Variants in STK24 observed in about 807,000 individuals in gnomAD.
STK24 encodes serine/threonine kinase 24, also known as serine/threonine-protein kinase 24.
A neutral mutation model predicts 55.6 loss-of-function variants in STK24; 21 were observed. The observed-to-expected ratio is 0.38, with a 90% confidence interval of 0.27 to 0.54. STK24 has a LOEUF of 0.54. STK24 is among the 20% of genes least tolerant of loss of function. The pLI is 0.79. For missense variants in STK24, 383 were observed against 538.4 expected, an observed-to-expected ratio of 0.71 and a Z score of 2.86; for synonymous variants, 200 against 215.2, an observed-to-expected ratio of 0.93 and a Z score of 0.62.
Position 98,448,945 on chromosome 13 carries a change from T to A in STK24, c.*4228A>T, listed in dbSNP as rs1408580652. The A allele has an allele frequency of 6.6e-6, 1 of 152,240 alleles. No individual in the cohort carries two copies. Among genetic ancestry groups the A allele is most frequent in the African/African-American group, 2.4e-5 (1 of 41,458 alleles). 9.4% of individuals were successfully genotyped at this position (152,240 alleles called of 1,614,324 possible). ...TGAAAACACCTGTTCCCAACCTACT[T>A]CTTGGTGCAAGTTGACCAAATCGTT... On this transcript the variant is annotated 3_prime_UTR_variant, in exon 11 of 11. Transcript: ENST00000539966.
intron 5 of STK24, among the ~76,000 whole-genome samples, chr13:98,468,589 A>G (rs149489085): frequency 6.6e-6 from 1 of 152,322 alleles, no homozygotes; most frequent in East Asian, 1.9e-4. Flanking sequence ...CTCCACACCA[A>G]CAGGTGGCTC....
In STK24 at chr13:98,526,090, G is replaced by C. The variant is rs1896419816; in HGVS notation, c.43-6617C>G. On this transcript the variant is annotated intron_variant, in intron 1 of 10. Transcript: ENST00000539966. Reference sequence around the variant, plus strand: ...TGGTGGCTGGAGTGCGGTGGAGGGAGGAGCATTGGCAGTATGCTGGGGTGA... The same window carrying C: ...TGGTGGCTGGAGTGCGGTGGAGGGACGAGCATTGGCAGTATGCTGGGGTGA... Among the ~76,000 whole-genome samples the C allele has an allele frequency of 2.0e-5, 3 of 152,278 alleles. No homozygotes were observed. In the South Asian group the frequency reaches 6.2e-4, roughly 32 times the overall value.
chr13:98,534,546 A>C (rs911050927), intron 1 of STK24, among the ~76,000 whole-genome samples: 28 of 152,196 alleles, frequency 1.8e-4, no homozygotes, highest in African/African-American at 6.8e-4. Context: ...TTTAGGGGTC[A>C]CGCAGGCCGG....
At chr13:98,506,511 G>A (rs928683307) in intron 2 of STK24, among the ~76,000 whole-genome samples, 2 of 152,164 alleles carry the variant, frequency 1.3e-5, no homozygotes, top group African/African-American at 4.8e-5. Context: ...AGCACAGGAG[G>A]GGAGGACAAG....
chr13:98,527,738 G>A (rs956422034), intron 1 of STK24, among the ~76,000 whole-genome samples: 1 of 152,178 alleles, frequency 6.6e-6, no homozygotes, highest in African/African-American at 2.4e-5. Flanking sequence ...GAGGTGGGGG[G>A]CCCAGCACTG....
chr13:98,505,275 G>A (rs3742133), intron 2 of STK24, among the ~76,000 whole-genome samples: 11,870 of 152,294 alleles, frequency 0.078, 873 homozygotes, highest in East Asian at 0.28. Flanking sequence ...AAAAAGAGCT[G>A]TAGATCCACT....
In STK24 at chr13:98,447,015, G is replaced by A. The variant is rs1594552974; in HGVS notation, c.*6158C>T. 9 of 580,304 alleles carry A rather than the reference G, an allele frequency of 1.6e-5. No homozygotes were observed. Among genetic ancestry groups the A allele is most frequent in the South Asian group, 6.1e-5 (3 of 49,208 alleles). The allele number at this position is 580,304 out of a possible 1,614,324, so 35.9% of individuals were successfully genotyped here. A position where few individuals can be genotyped will look rare whatever the true frequency, so the allele number is the denominator to read the frequency against. On this transcript the variant is annotated 3_prime_UTR_variant, in exon 11 of 11. Coordinates refer to ENST00000539966, the MANE Select transcript of STK24 (RefSeq NM_001032296.4). ...GAAAGTGGGGTCCCAACTTCCCTGC[G>A]CCCTTACCCTGCACGGTGTTGGCTG...
chr13:98,547,926 T>TA (rs1202613005), intron 1 of STK24, among the ~76,000 whole-genome samples: 3 of 152,192 alleles, frequency 2.0e-5, no homozygotes, highest in Non-Finnish European at 4.4e-5. Flanking sequence ...AAACTACTGC[T>TA]AAACCCTCAT....
At chr13:98,461,958 G>A in intron 7 of STK24, 61 bp from the exon 8 acceptor site, 1 of 1,598,584 alleles carries the variant, frequency 6.3e-7, no homozygotes, top group Non-Finnish European at 8.6e-7. Flanking sequence ...GGGGCGCTGG[G>A]ACGTTCAGGG....
At chr13:98,576,627 A>C (rs1897903384) in intron 1 of STK24, 118 bp downstream of exon 1, 2 of 787,724 alleles carry the variant, frequency 2.5e-6, no homozygotes, top group Non-Finnish European at 1.8e-6. Flanking sequence ...GCGCGCGGGG[A>C]GCCAGGCTCC....
chr13:98,503,023 T>TG (rs910211787), intron 2 of STK24, among the ~76,000 whole-genome samples: 15 of 109,514 alleles, frequency 1.4e-4, no homozygotes, highest in East Asian at 2.7e-4. Flanking sequence ...ACTTTCCATG[T>TG]GTTTTTTTTT....
chr13:98,519,491 A>G lies in STK24; in HGVS notation c.43-18T>C. 1.9e-6 allele frequency: 3 copies of G among 1,605,996 alleles called. No homozygotes were observed. The South Asian group carries it at 3.3e-5, about 18-fold the overall frequency. On this transcript the variant is annotated intron_variant, in intron 1 of 10. Transcript: ENST00000539966. ...TTTAGGTTCTGTAGAGAGAAGGAAG[A>G]GAAAAGGGAAACTTTAGTCCCTCAT...
At chr13:98,567,200 C>G (rs553600817) in intron 1 of STK24, among the ~76,000 whole-genome samples, 2 of 152,352 alleles carry the variant, frequency 1.3e-5, no homozygotes, top group Admixed American at 1.3e-4. Flanking sequence ...CTGTGCAGTG[C>G]CCCCAGCGCG....
chr13:98,531,851 T>A (rs184539674), intron 1 of STK24, among the ~76,000 whole-genome samples: 1 of 152,146 alleles, frequency 6.6e-6, no homozygotes, highest in Admixed American at 6.5e-5. Context: ...TGGAACTGCA[T>A]AGACGCAGGA....
intron 1 of STK24, among the ~76,000 whole-genome samples, chr13:98,546,284 C>A (rs1897026909): frequency 6.6e-6 from 1 of 152,074 alleles, no homozygotes; most frequent in Admixed American, 6.6e-5. Flanking sequence ...CCCAGATGAT[C>A]TGGTGAGCAG....
Position 98,448,194 on chromosome 13 carries a change from G to A in STK24, c.*4979C>T, listed in dbSNP as rs577500615. On this transcript the variant is annotated 3_prime_UTR_variant, in exon 11 of 11. Transcript: ENST00000539966. ...ATGCCCACCAAAGTGTCAGGAGTCC[G>A]TCCAAACAAAAGGTTGACTAACTGG... is the stretch of plus-strand genomic sequence containing the variant. 5.7e-5 allele frequency: 88 copies of A among 1,547,752 alleles called. No homozygotes were observed. The highest frequency in any genetic ancestry group is 5.2e-4 in the East Asian group (23 of 44,574).
chr13:98,446,679 T>C lies in STK24; in HGVS notation c.*6494A>G. ...TCCCCTTTCCAGGACAATCATCCCC[T>C]TGCCAGCCTGCCTCTGCTCGGCTAC... On this transcript the variant is annotated 3_prime_UTR_variant, in exon 11 of 11. Transcript: ENST00000539966. The C allele has an allele frequency of 6.2e-7, 1 of 1,614,024 alleles. No individual in the cohort carries two copies. Among genetic ancestry groups the C allele is most frequent in the Non-Finnish European group, 8.5e-7 (1 of 1,179,956 alleles).
chr13:98,493,217 A>C (rs1449999396), intron 2 of STK24, among the ~76,000 whole-genome samples: 1 of 152,216 alleles, frequency 6.6e-6, no homozygotes, highest in Admixed American at 6.5e-5. Flanking sequence ...CTCTTTTGGA[A>C]AGGGTTGCGT....
chr13:98,495,828 C>A (rs1396329753), intron 2 of STK24, among the ~76,000 whole-genome samples: 1 of 152,206 alleles, frequency 6.6e-6, no homozygotes, highest in Non-Finnish European at 1.5e-5. Context: ...TGATTTGTTT[C>A]GTCGTTGCTG....
Sources: allele counts gnomAD v4.1 joint callset (sites outside exome capture counted in the v4.1 genomes callset), GRCh38; gene constraint gnomAD v4.1.1; transcripts MANE v1.5; gene names NCBI Gene and HGNC (gene_info 2026-07-23, HGNC 2026-07-21).